The following NAV2 variants were observed in gnomAD, a reference collection of about 807,000 sequenced individuals.
NAV2 encodes the protein neuron navigator 2, also known as helicase, APC down-regulated 1.
Under a neutral mutation model 223.2 loss-of-function variants are expected in NAV2, and 54 were observed. The ratio of observed to expected loss-of-function variants is 0.24; its 90% CI spans 0.19 to 0.30. The LOEUF is 0.30. Among genes scored for constraint, NAV2 ranks in the 10% least tolerant of loss-of-function variants. The pLI is 1.00. For synonymous variants in NAV2, 1,279 were observed against 1,239.3 expected (o/e 1.03, Z -0.67); for missense variants, 2,806 against 3,147.5 (o/e 0.89, Z 2.60).
chr11:20,036,077 C>A lies in NAV2; in HGVS notation c.2887C>A (p.Arg963=), dbSNP rs2056333805. 1 of 1,614,066 alleles carries A rather than the reference C, an allele frequency of 6.2e-7. No homozygotes were observed. Among genetic ancestry groups the A allele is most frequent in the African/African-American group, 1.3e-5 (1 of 74,934 alleles). Residue 963 remains arginine, a synonymous_variant, in exon 12 of 38, where the codon CGA becomes AGA. Transcript: ENST00000349880. ...SSYANTPASS[R]KNLDVQTDAE... is the part of the protein sequence containing the mutation. ...TTATGCCAACACACCTGCCTCCTCT[C>A]GAAAAAACCTGGATGTGCAGGTGAG...
intron 1 of NAV2, among the ~76,000 whole-genome samples, chr11:19,632,933 T>A (rs1328459046): frequency 6.6e-6 from 1 of 152,226 alleles, no homozygotes; most frequent in Admixed American, 6.5e-5. Context: ...ACAAAGAAAC[T>A]GAAGCCCAAA....
chr11:19,770,760 C>G (rs1297587659), intron 1 of NAV2, among the ~76,000 whole-genome samples: 5 of 152,100 alleles, frequency 3.3e-5, no homozygotes, highest in Non-Finnish European at 1.5e-5. Context: ...ATGTTTCGAG[C>G]GTTTTGAGGG....
chr11:19,911,910 C>T lies in NAV2; in HGVS notation c.931+19316C>T, dbSNP rs565822400. Among the ~76,000 whole-genome samples the T allele has an allele frequency of 2.4e-4, 37 of 152,266 alleles. 1 individual carries two copies. Among genetic ancestry groups the T allele is most frequent in the Non-Finnish European group, 3.4e-4 (23 of 68,026 alleles). On this transcript the variant is annotated intron_variant, in intron 6 of 37. Coordinates refer to ENST00000349880, the MANE Select transcript of NAV2 (RefSeq NM_145117.5). ...GCTCTGTGGTGATGAAGTTCTGGGC[C>T]ACCTAAATTCTAGTAGGTTTCAGCA...
At chr11:19,932,357 A>G (rs1452188104) in intron 6 of NAV2, among the ~76,000 whole-genome samples, 1 of 151,364 alleles carries the variant, frequency 6.6e-6, no homozygotes, top group East Asian at 1.9e-4. Flanking sequence ...TTTTTCTGAG[A>G]CAGAGTCTCA....
intron 10 of NAV2, among the ~76,000 whole-genome samples, chr11:19,956,380 ACACACACACACACACG>A (rs1258391182): frequency 1.6e-4 from 23 of 147,412 alleles, no homozygotes; most frequent in Non-Finnish European, 3.2e-4. Context: ...ACACACACAC[ACACACACACACACACG>A]CTCTCTCTCT....
At chr11:19,655,731 G>C (rs576909431) in intron 1 of NAV2, among the ~76,000 whole-genome samples, 1 of 134,206 alleles carries the variant, frequency 7.5e-6, no homozygotes, top group East Asian at 2.3e-4. Context: ...ATCACACACC[G>C]GGGCCTGTTT....
rs567473683 is a variant in NAV2 at position 19,769,291 on chromosome 11, G to A, written c.267+55329G>A. Among the ~76,000 whole-genome samples, 4 of 152,346 alleles carry A rather than the reference G, an allele frequency of 2.6e-5. No homozygotes were observed. In the East Asian group the frequency reaches 5.8e-4, roughly 22 times the overall value. On this transcript the variant is annotated intron_variant, in intron 1 of 37. Coordinates refer to ENST00000349880, the MANE Select transcript of NAV2 (RefSeq NM_145117.5). ...TACAATCTGAGAAATGCCCAGAACA[G>A]CTGAGGCCAATCAACAGCAGCAGTA... is the stretch of plus-strand genomic sequence containing the variant.
At chr11:19,430,645 C>A (rs894323336) in intron 1 of NAV2, among the ~76,000 whole-genome samples, 17 of 152,354 alleles carry the variant, frequency 1.1e-4, no homozygotes, top group African/African-American at 4.1e-4. Context: ...CTTTGGCCTG[C>A]TTCACTAACA....
Position 20,026,980 on chromosome 11 carries a change from G to A in NAV2, c.2769-8979G>A, listed in dbSNP as rs182441274. Among the ~76,000 whole-genome samples the A allele has an allele frequency of 2.5e-3, 388 of 152,332 alleles. 1 individual carries two copies. The highest frequency in any genetic ancestry group is 8.8e-3 in the African/African-American group (367 of 41,576). ...AGTTTGGAGGATTAACTGAAATAATGTATGTAGTGCAGTTAGCACAGGGGC... is the reference window on the plus strand; with the variant it reads ...AGTTTGGAGGATTAACTGAAATAATATATGTAGTGCAGTTAGCACAGGGGC... On this transcript the variant is annotated intron_variant, in intron 11 of 37. Transcript: ENST00000349880.
chr11:19,762,475 GC>G (rs1477731468), intron 1 of NAV2, among the ~76,000 whole-genome samples: 1 of 152,168 alleles, frequency 6.6e-6, no homozygotes, highest in African/African-American at 2.4e-5. Context: ...TCCAGTTGTT[GC>G]AATATGCTGT....
At chr11:19,600,326 C>T (rs1287596020) in intron 1 of NAV2, among the ~76,000 whole-genome samples, 3 of 152,224 alleles carry the variant, frequency 2.0e-5, no homozygotes, top group African/African-American at 7.2e-5. Context: ...AGGTGAGGGA[C>T]ATGCCTACTG....
chr11:19,816,064 C>T (rs1385208940), intron 1 of NAV2, among the ~76,000 whole-genome samples: 1 of 152,080 alleles, frequency 6.6e-6, no homozygotes, highest in Non-Finnish European at 1.5e-5. Flanking sequence ...TGGTAGTCTT[C>T]GTAGTAAACG....
intron 1 of NAV2, among the ~76,000 whole-genome samples, chr11:19,715,455 G>T (rs77791522): frequency 1.3e-5 from 2 of 152,222 alleles, no homozygotes; most frequent in South Asian, 2.1e-4. Context: ...TGGACTTGGG[G>T]TTTATGAGGT....
chr11:19,596,036 C>T (rs544035161), intron 1 of NAV2, among the ~76,000 whole-genome samples: 36 of 152,274 alleles, frequency 2.4e-4, no homozygotes, highest in African/African-American at 8.4e-4. Flanking sequence ...TTATTAATCA[C>T]GTTATTTTAA....
At chr11:20,020,886 G>A (rs1310262151) in intron 11 of NAV2, among the ~76,000 whole-genome samples, 2 of 152,002 alleles carry the variant, frequency 1.3e-5, no homozygotes, top group African/African-American at 4.8e-5. Flanking sequence ...CCCCACTTTG[G>A]TTCACCGCTC....
chr11:19,514,184 T>C (rs2043367008), intron 1 of NAV2, among the ~76,000 whole-genome samples: 1 of 152,184 alleles, frequency 6.6e-6, no homozygotes, highest in African/African-American at 2.4e-5. Flanking sequence ...TGCCTCATCA[T>C]GATGCTTTTG....
At chr11:19,663,688 A>G (rs1409694766) in intron 1 of NAV2, among the ~76,000 whole-genome samples, 1 of 152,182 alleles carries the variant, frequency 6.6e-6, no homozygotes, top group Non-Finnish European at 1.5e-5. Context: ...ATGAACATAG[A>G]AACTGCAATA....
At chr11:19,999,695 G>A (rs1204297133) in intron 11 of NAV2, among the ~76,000 whole-genome samples, 1 of 152,112 alleles carries the variant, frequency 6.6e-6, no homozygotes, top group Admixed American at 6.5e-5. Flanking sequence ...TAACCTATGT[G>A]ACACTCTTAC....
chr11:19,446,310 G>A (rs993990634), intron 1 of NAV2, among the ~76,000 whole-genome samples: 1 of 152,114 alleles, frequency 6.6e-6, no homozygotes, highest in African/African-American at 2.4e-5. Context: ...GTTCCTAGAT[G>A]CCTCCATGTT....
Sources: allele counts gnomAD v4.1 joint callset (sites outside exome capture counted in the v4.1 genomes callset), GRCh38; gene constraint gnomAD v4.1.1; transcripts MANE v1.5; gene names NCBI Gene and HGNC (gene_info 2026-07-23, HGNC 2026-07-21).